CENPP: variants seen among roughly 807,000 people sequenced by gnomAD.
CENPP encodes centromere protein P.
Under a neutral mutation model 35.6 loss-of-function variants are expected in CENPP, and 24 were observed. That is an observed-to-expected ratio of 0.67 (90% CI 0.49 to 0.95). The LOEUF is 0.95. Ranked by LOEUF, CENPP falls within the 40% of genes least tolerant of loss-of-function variation. The pLI is 0.00. For synonymous variants in CENPP, 120 were observed against 125.5 expected (o/e 0.96, Z 0.29); for missense variants, 332 against 345.3 (o/e 0.96, Z 0.31).
At chr9:92,469,847 G>T (rs926795384) in intron 5 of CENPP, among the ~76,000 whole-genome samples, 3 of 152,166 alleles carry the variant, frequency 2.0e-5, no homozygotes, top group Admixed American at 1.3e-4. Flanking sequence ...CTAAAATCTG[G>T]AGACTTCGAA....
At chr9:92,485,524 C>G (rs1846033813) in intron 5 of CENPP, among the ~76,000 whole-genome samples, 1 of 152,100 alleles carries the variant, frequency 6.6e-6, no homozygotes, top group African/African-American at 2.4e-5. Context: ...TATATGCTAA[C>G]CATCGTGAAA....
chr9:92,483,474 C>T (rs569220110), intron 5 of CENPP, among the ~76,000 whole-genome samples: 2 of 152,102 alleles, frequency 1.3e-5, no homozygotes, highest in Non-Finnish European at 2.9e-5. Flanking sequence ...GTGATCTGCC[C>T]GCCTCGGCCT....
At chr9:92,542,776 C>T (rs1186222792) in intron 5 of CENPP, among the ~76,000 whole-genome samples, 9 of 152,224 alleles carry the variant, frequency 5.9e-5, no homozygotes, top group Admixed American at 2.6e-4. Flanking sequence ...CCTCCCAAAG[C>T]GCTGGGATTA....
At chr9:92,549,894 CAAAGT>C in intron 5 of CENPP, among the ~76,000 whole-genome samples, 1 of 152,116 alleles carries the variant, frequency 6.6e-6, no homozygotes, top group Non-Finnish European at 1.5e-5. Flanking sequence ...CCAATGTGGA[CAAAGT>C]ACAGTACAGT....
At position 92,615,347 on chromosome 9, in the gene CENPP, T is replaced by C. The variant is rs942687180; in HGVS notation, c.*2198T>C. 1 of 171,900 alleles carries C rather than the reference T, an allele frequency of 5.8e-6. No individual in the cohort carries two copies. The highest frequency in any genetic ancestry group is 2.4e-5 in the African/African-American group (1 of 41,574). 10.6% of individuals were successfully genotyped at this position (171,900 alleles called of 1,614,324 possible). ...GGAACCACCTAAAAACCTGTGTTGA[T>C]ATGTGGCTTGCACTGAAAAAGTGAC... On this transcript the variant is annotated 3_prime_UTR_variant, in exon 8 of 8. Transcript: ENST00000375587.
intron 5 of CENPP, among the ~76,000 whole-genome samples, chr9:92,562,508 A>G (rs1849872836): frequency 6.6e-6 from 1 of 151,920 alleles, no homozygotes; most frequent in South Asian, 2.1e-4. Context: ...GCCCTGCCCC[A>G]GTTTTCTTAT....
At chr9:92,530,227 T>G (rs1032547774) in intron 5 of CENPP, among the ~76,000 whole-genome samples, 1 of 152,084 alleles carries the variant, frequency 6.6e-6, no homozygotes, top group Non-Finnish European at 1.5e-5. Context: ...CATTAAAAAT[T>G]TGTCAAAACC....
In CENPP at chr9:92,398,544, G is replaced by GT. The variant is rs1056643997; in HGVS notation, c.564+18695dup. On this transcript the variant is annotated intron_variant, in intron 5 of 7. Transcript: ENST00000375587. ...TATTATAGATATTCTTTTGCACTTT[G>GT]TTTTTTTTTTCCACATAGTGTATCC... 1.6e-3 allele frequency among the ~76,000 whole-genome samples: 239 copies of GT among 146,210 alleles called. 3 individuals carry two copies. The highest frequency in any genetic ancestry group is 0.011 in the Middle Eastern group (3 of 282).
At chr9:92,600,083 CT>C (rs1850873124) in intron 5 of CENPP, among the ~76,000 whole-genome samples, 1 of 152,218 alleles carries the variant, frequency 6.6e-6, no homozygotes, top group Admixed American at 6.5e-5. Flanking sequence ...CTGTATATAC[CT>C]AAGTGAGGGT....
intron 4 of CENPP, among the ~76,000 whole-genome samples, chr9:92,360,946 A>G (rs1455718733): frequency 6.6e-6 from 1 of 151,654 alleles, no homozygotes; most frequent in Non-Finnish European, 1.5e-5. Context: ...TGACCTCGTG[A>G]TCCGCCCGCC....
intron 5 of CENPP, among the ~76,000 whole-genome samples, chr9:92,419,272 C>G (rs1338297621): frequency 6.7e-6 from 1 of 149,568 alleles, no homozygotes; most frequent in Non-Finnish European, 1.5e-5. Flanking sequence ...TATACCTTGG[C>G]TGCTTATCTT....
chr9:92,329,724 TG>T (rs1442045276), intron 1 of CENPP, among the ~76,000 whole-genome samples: 2 of 137,054 alleles, frequency 1.5e-5, no homozygotes, highest in African/African-American at 5.1e-5. Flanking sequence ...CAGATAATTT[TG>T]TGTGTGTGTG....
At chr9:92,587,802 G>A (rs529167163) in intron 5 of CENPP, among the ~76,000 whole-genome samples, 86 of 152,254 alleles carry the variant, frequency 5.6e-4, no homozygotes, top group South Asian at 5.4e-3. Flanking sequence ...AGAGAATGGA[G>A]TAAATGTCAC....
chr9:92,409,175 C>T (rs1564305332), intron 5 of CENPP, among the ~76,000 whole-genome samples: 3 of 152,140 alleles, frequency 2.0e-5, no homozygotes, highest in African/African-American at 7.2e-5. Context: ...ATGATATTTA[C>T]ACCTAGGCAG....
intron 5 of CENPP, among the ~76,000 whole-genome samples, chr9:92,546,239 C>G (rs1444482125): frequency 1.3e-5 from 2 of 152,194 alleles, no homozygotes; most frequent in African/African-American, 2.4e-5. Flanking sequence ...CCAATCAGCT[C>G]TCTGTAAAAT....
chr9:92,477,043 T>C (rs1176565316), intron 5 of CENPP, among the ~76,000 whole-genome samples: 1 of 152,198 alleles, frequency 6.6e-6, no homozygotes, highest in African/African-American at 2.4e-5. Flanking sequence ...TGTGATCAGA[T>C]TTGTGTAGTA....
chr9:92,612,713 T>C (rs1851300292), intron 7 of CENPP, 99 bp downstream of exon 7: 1 of 868,382 alleles, frequency 1.2e-6, no homozygotes, highest in Non-Finnish European at 1.9e-6. Context: ...GAATCAAAAA[T>C]TGGAAATCTC....
rs1845718514 is a variant in CENPP at position 92,476,500 on chromosome 9, TGGTGGCATGAACATTTGCCCACTG to T, written c.564+96645_564+96668del. Among the ~76,000 whole-genome samples, 1 of 152,214 alleles carries T rather than the reference TGGTGGCATGAACATTTGCCCACTG, an allele frequency of 6.6e-6. No individual in the cohort carries two copies. Among genetic ancestry groups the T allele is most frequent in the African/African-American group, 2.4e-5 (1 of 41,462 alleles). On this transcript the variant is annotated intron_variant, in intron 5 of 7. Coordinates refer to ENST00000375587, the MANE Select transcript of CENPP (RefSeq NM_001012267.3). The surrounding 1 kb of genome is among the most constrained non-coding windows in gnomAD (Gnocchi z 4.1). ...TTCTCATATGCTCCAAAAATCTAAATGGTGGCATGAACATTTGCCCACTGGGTAGCTGGATGGCACTGGTCAGGT... is the reference window on the plus strand; with the variant it reads ...TTCTCATATGCTCCAAAAATCTAAATGGTAGCTGGATGGCACTGGTCAGGT...
intron 5 of CENPP, chr9:92,522,745 C>T (rs1447061831): frequency 6.2e-7 from 1 of 1,614,028 alleles, no homozygotes; most frequent in Admixed American, 1.7e-5. Context: ...TGAGGTTGAA[C>T]TTTTCCTCAA....
Sources: allele counts gnomAD v4.1 joint callset (sites outside exome capture counted in the v4.1 genomes callset), GRCh38; gene constraint gnomAD v4.1.1; non-coding constraint Gnocchi (gnomAD v3.1); transcripts MANE v1.5; gene names NCBI Gene and HGNC (gene_info 2026-07-23, HGNC 2026-07-21).